Variants in AOAH observed in about 807,000 individuals in gnomAD.
AOAH encodes the protein acyloxyacyl hydrolase, also known as acyloxyacyl hydrolase (neutrophil).
AOAH carries 64 observed loss-of-function variants against 92.2 expected under a neutral mutation model. That is an observed-to-expected ratio of 0.69 (90% confidence interval 0.57 to 0.86). The LOEUF (loss-of-function observed/expected upper bound fraction) is 0.86, where lower values mean the gene tolerates loss of function less well. AOAH is among the 40% of genes least tolerant of loss of function. AOAH has a pLI of 0.00. For synonymous variants in AOAH, 263 were observed against 254.5 expected (o/e 1.03, Z -0.32); for missense variants, 656 against 694.6 (o/e 0.94, Z 0.62).
chr7:36,599,809 C>A (rs773973352), intron 11 of AOAH: 1 of 152,446 alleles, frequency 6.6e-6, no homozygotes, highest in Non-Finnish European at 1.5e-5. Context: ...CCTGCAGTGG[C>A]GCTTGCAGAA....
chr7:36,722,983 A>T (rs940554066), intron 1 of AOAH, among the ~76,000 whole-genome samples: 1 of 149,646 alleles, frequency 6.7e-6, no homozygotes, highest in Admixed American at 6.7e-5. Flanking sequence ...GTAGAGATGC[A>T]TCTCCTAACA....
At chr7:36,628,892 A>G (rs1226558560) in intron 6 of AOAH, among the ~76,000 whole-genome samples, 1 of 152,204 alleles carries the variant, frequency 6.6e-6, no homozygotes, top group Non-Finnish European at 1.5e-5. Flanking sequence ...TAGGGCTAAG[A>G]GTTGAGGGGT....
chr7:36,531,924 G>C (rs1372610341), intron 18 of AOAH, among the ~76,000 whole-genome samples: 6 of 152,150 alleles, frequency 3.9e-5, no homozygotes, highest in African/African-American at 9.7e-5. Context: ...GAGAGACAGT[G>C]GCTGAGAAAC....
At chr7:36,630,220 C>A (rs759250797) in intron 6 of AOAH, among the ~76,000 whole-genome samples, 1 of 152,200 alleles carries the variant, frequency 6.6e-6, no homozygotes, top group South Asian at 2.1e-4. Context: ...GAATTAATTT[C>A]TGTTGTTCTA....
intron 1 of AOAH, among the ~76,000 whole-genome samples, chr7:36,706,251 G>T (rs1004799775): frequency 2.6e-5 from 4 of 152,100 alleles, no homozygotes; most frequent in Admixed American, 1.3e-4. Flanking sequence ...TTAGAGACAT[G>T]AAAATAAAAT....
intron 3 of AOAH, among the ~76,000 whole-genome samples, chr7:36,671,185 A>G (rs866394968): frequency 6.6e-6 from 1 of 152,122 alleles, no homozygotes. Flanking sequence ...CTTTCTTCAC[A>G]GCAATCTAGT....
At chr7:36,622,645 C>A (rs1254572904) in intron 7 of AOAH, among the ~76,000 whole-genome samples, 1 of 152,206 alleles carries the variant, frequency 6.6e-6, no homozygotes, top group Non-Finnish European at 1.5e-5. Flanking sequence ...TCAAGGCAAC[C>A]ATAGCCCCCA....
At chr7:36,694,673 A>G (rs1184942154) in intron 1 of AOAH, among the ~76,000 whole-genome samples, 1 of 152,248 alleles carries the variant, frequency 6.6e-6, no homozygotes, top group Non-Finnish European at 1.5e-5. Flanking sequence ...TGTCCTCTGT[A>G]TAAACCAAAA....
intron 1 of AOAH, among the ~76,000 whole-genome samples, chr7:36,702,936 C>A (rs1798120291): frequency 6.6e-6 from 1 of 152,168 alleles, no homozygotes; most frequent in African/African-American, 2.4e-5. Context: ...TCCTCTAAAA[C>A]CCTGCTGCTG....
At chr7:36,532,632 A>G (rs1437283979) in intron 16 of AOAH, among the ~76,000 whole-genome samples, 2 of 152,198 alleles carry the variant, frequency 1.3e-5, no homozygotes, top group East Asian at 3.8e-4. Context: ...GGACTCAGGA[A>G]AAAGAAATGC....
intron 12 of AOAH, among the ~76,000 whole-genome samples, chr7:36,580,745 T>C (rs1788875378): frequency 6.6e-6 from 1 of 152,242 alleles, no homozygotes; most frequent in African/African-American, 2.4e-5. Context: ...GCTTGTTGAC[T>C]ACAGCCCTCA....
chr7:36,536,690 T>C (rs1317822090), intron 16 of AOAH, among the ~76,000 whole-genome samples: 2 of 152,152 alleles, frequency 1.3e-5, no homozygotes, highest in Non-Finnish European at 2.9e-5. Flanking sequence ...GGCTCATGCC[T>C]GTAATCCCAG....
At chr7:36,631,833 T>C (rs894069936) in intron 6 of AOAH, among the ~76,000 whole-genome samples, 47 of 152,196 alleles carry the variant, frequency 3.1e-4, no homozygotes, top group African/African-American at 1.1e-3. Flanking sequence ...GATGCAAAGA[T>C]GCTGGCATTC....
At chr7:36,646,078 C>T (rs1247200265) in intron 4 of AOAH, among the ~76,000 whole-genome samples, 1 of 152,218 alleles carries the variant, frequency 6.6e-6, no homozygotes. Flanking sequence ...GATTTTACCA[C>T]CACCATCACA....
chr7:36,588,250 C>T (rs1407453295), intron 12 of AOAH, among the ~76,000 whole-genome samples: 7 of 152,218 alleles, frequency 4.6e-5, no homozygotes, highest in Non-Finnish European at 1.0e-4. Context: ...AACAGTTCTA[C>T]CCACCATTGC....
chr7:36,557,764 C>T (rs1488145621), intron 13 of AOAH, among the ~76,000 whole-genome samples: 1 of 152,182 alleles, frequency 6.6e-6, no homozygotes, highest in African/African-American at 2.4e-5. Flanking sequence ...CCCTTTCTTC[C>T]AGTTGATTGC....
chr7:36,554,827 T>C (rs1184476328), intron 13 of AOAH, among the ~76,000 whole-genome samples: 3 of 151,676 alleles, frequency 2.0e-5, no homozygotes, highest in African/African-American at 7.3e-5. Context: ...TTTTTGTACA[T>C]TGATTTTGTA....
At chr7:36,653,587 A>G (rs775233278) in intron 4 of AOAH, among the ~76,000 whole-genome samples, 2 of 152,106 alleles carry the variant, frequency 1.3e-5, no homozygotes, top group Non-Finnish European at 2.9e-5. Flanking sequence ...TAGAAATGCA[A>G]CTCACTGTGG....
intron 5 of AOAH, among the ~76,000 whole-genome samples, chr7:36,636,798 A>T (rs1032970884): frequency 6.6e-6 from 1 of 152,248 alleles, no homozygotes; most frequent in African/African-American, 2.4e-5. Context: ...TGTTTATCTG[A>T]AATTCAAATT....
Sources: allele counts gnomAD v4.1 joint callset (sites outside exome capture counted in the v4.1 genomes callset), GRCh38; gene constraint gnomAD v4.1.1; transcripts MANE v1.5; gene names NCBI Gene and HGNC (gene_info 2026-07-23, HGNC 2026-07-21).